Variants in FAM120A observed in about 807,000 individuals in gnomAD.
FAM120A encodes the protein family with sequence similarity 120 member A, also known as constitutive coactivator of PPAR-gamma-like protein 1.
Under a neutral mutation model 109.7 loss-of-function variants are expected in FAM120A, and 15 were observed. The ratio of observed to expected loss-of-function variants is 0.14; its 90% confidence interval spans 0.09 to 0.21. FAM120A has a LOEUF of 0.21. FAM120A is among the 10% of genes least tolerant of loss of function. FAM120A has a pLI of 1.00. For missense variants in FAM120A, 899 were observed against 1,439.3 expected (o/e 0.62, Z 6.07); for synonymous variants, 493 against 572.8 (o/e 0.86, Z 1.99).
Position 93,561,120 on chromosome 9 carries a change from A to G in FAM120A, c.2818A>G (p.Ile940Val). 6.2e-7 allele frequency: 1 copy of G among 1,613,742 alleles called. No individual in the cohort carries two copies. The highest frequency in any genetic ancestry group is 8.5e-7 in the Non-Finnish European group (1 of 1,180,010). ...TSKSQGGVQP[I>V]PSQGGKLEIA... ...TATTTTTTATGCAGGAGTCCAACCTATACCTTCTCAGGGAGGCAAACTAGA... is the reference window on the plus strand; with the variant it reads ...TATTTTTTATGCAGGAGTCCAACCTGTACCTTCTCAGGGAGGCAAACTAGA... The change falls in exon 16 of 18, where the codon ATA becomes GTA. Residue 940 changes from isoleucine (I) to valine (V), a missense_variant. Around this residue, in one of 11 missense-constraint regions of FAM120A, gnomAD observed 129 missense variants for 153.4 expected, o/e 0.84. Transcript: ENST00000277165.
rs1480353282 is a variant in FAM120A at position 93,489,448 on chromosome 9, A to G, written c.805-8023A>G. Among the ~76,000 whole-genome samples, 7 of 152,222 alleles carry G rather than the reference A, an allele frequency of 4.6e-5. No individual in the cohort carries two copies. The East Asian group carries it at 1.3e-3, about 29-fold the overall frequency. ...GGACTGGTGGCACTTTTTTGTAAAG[A>G]GATCCTGTCACTGCACGATGGAGCC... On this transcript the variant is annotated intron_variant, in intron 3 of 17. Coordinates refer to ENST00000277165, the MANE Select transcript of FAM120A (RefSeq NM_014612.5).
chr9:93,547,775 A>G (rs536163014), intron 11 of FAM120A, among the ~76,000 whole-genome samples: 1 of 152,348 alleles, frequency 6.6e-6, no homozygotes, highest in East Asian at 1.9e-4. Context: ...AATTAGCACA[A>G]ATAAATAAGC....
At chr9:93,479,210 T>C (rs974200996) in intron 3 of FAM120A, among the ~76,000 whole-genome samples, 8 of 149,156 alleles carry the variant, frequency 5.4e-5, no homozygotes, top group Admixed American at 2.7e-4. Context: ...GCCATTCTCC[T>C]GCCTCAGCCT....
At chr9:93,549,942 C>T (rs1404282181) in intron 11 of FAM120A, among the ~76,000 whole-genome samples, 2 of 152,216 alleles carry the variant, frequency 1.3e-5, no homozygotes, top group Non-Finnish European at 2.9e-5. Context: ...GAAGGAGACT[C>T]CCAGGCAGAC....
At chr9:93,535,812 C>G (rs1588892526) in intron 10 of FAM120A, among the ~76,000 whole-genome samples, 1 of 152,216 alleles carries the variant, frequency 6.6e-6, no homozygotes, top group Non-Finnish European at 1.5e-5. Flanking sequence ...TGTTAAGTCT[C>G]AATGCTCTCA....
chr9:93,494,992 G>T (rs149711024), intron 3 of FAM120A, among the ~76,000 whole-genome samples: 1 of 152,296 alleles, frequency 6.6e-6, no homozygotes, highest in East Asian at 1.9e-4. Context: ...CACCACAGCA[G>T]TGCATGCCCA....
intron 10 of FAM120A, among the ~76,000 whole-genome samples, chr9:93,541,301 G>A (rs1458405026): frequency 6.6e-6 from 1 of 152,094 alleles, no homozygotes; most frequent in East Asian, 1.9e-4. Flanking sequence ...TCACAGGAGG[G>A]AAGGCAGGTC....
At chr9:93,486,923 T>G (rs930383224) in intron 3 of FAM120A, among the ~76,000 whole-genome samples, 1 of 152,210 alleles carries the variant, frequency 6.6e-6, no homozygotes, top group Non-Finnish European at 1.5e-5. Context: ...AGGTTCTGAT[T>G]TCTCCACATC....
At chr9:93,495,320 A>G (rs889100469) in intron 3 of FAM120A, among the ~76,000 whole-genome samples, 2 of 152,232 alleles carry the variant, frequency 1.3e-5, no homozygotes, top group Non-Finnish European at 2.9e-5. Flanking sequence ...ATATACCACC[A>G]TGATCCTCAA....
chr9:93,525,511 A>G (rs1861038844), intron 7 of FAM120A, among the ~76,000 whole-genome samples: 1 of 152,218 alleles, frequency 6.6e-6, no homozygotes, highest in East Asian at 1.9e-4. Flanking sequence ...GTTTGAGAAC[A>G]CTTATTGTTC....
At position 93,500,840 on chromosome 9, in the gene FAM120A, C is replaced by G. The variant is rs1185893729; in HGVS notation, c.1030+1954C>G. Among the ~76,000 whole-genome samples, 1 of 152,170 alleles carries G rather than the reference C, an allele frequency of 6.6e-6. No individual in the cohort carries two copies. Among genetic ancestry groups the G allele is most frequent in the Non-Finnish European group, 1.5e-5 (1 of 68,034 alleles). ...TTGTGGGAATGATGGGGAGCATGAA[C>G]ATTGCCACCTGTGGCCTACTGCCTC... On this transcript the variant is annotated intron_variant, in intron 5 of 17. Transcript: ENST00000277165. This position sits in a 1 kb window ranked among gnomAD's most constrained non-coding sequence, Gnocchi z 4.6.
Position 93,493,722 on chromosome 9 carries a change from C to A in FAM120A, c.805-3749C>A, listed in dbSNP as rs1341174051. Among the ~76,000 whole-genome samples, 3 of 152,216 alleles carry A rather than the reference C, an allele frequency of 2.0e-5. No homozygotes were observed. The East Asian group carries it at 5.8e-4, about 29-fold the overall frequency. ...CAAGCCCTCACATGGTGACCTGCCT[C>A]CCTCCTGGGGGCCCAGTGTCCTCCT... On this transcript the variant is annotated intron_variant, in intron 3 of 17. Transcript: ENST00000277165.
chr9:93,550,207 C>T (rs1385351020), intron 11 of FAM120A, among the ~76,000 whole-genome samples: 1 of 152,136 alleles, frequency 6.6e-6, no homozygotes, highest in African/African-American at 2.4e-5. Flanking sequence ...CTAGGGTCTG[C>T]CTCCTGGCTA....
intron 5 of FAM120A, among the ~76,000 whole-genome samples, chr9:93,501,702 G>T (rs1277120594): frequency 6.6e-6 from 1 of 152,200 alleles, no homozygotes; most frequent in Admixed American, 6.5e-5. Context: ...AAGATGACGG[G>T]TATGCAGTCT....
chr9:93,472,547 C>T (rs1286649063), intron 2 of FAM120A, among the ~76,000 whole-genome samples: 1 of 152,124 alleles, frequency 6.6e-6, no homozygotes, highest in African/African-American at 2.4e-5. Flanking sequence ...GCTGTGTGGT[C>T]TCTAGTGCTC....
intron 10 of FAM120A, among the ~76,000 whole-genome samples, chr9:93,535,996 TA>T (rs1861499938): frequency 6.6e-6 from 1 of 152,194 alleles, no homozygotes. Flanking sequence ...TTGAAATATC[TA>T]TTAATTGGTA....
intron 1 of FAM120A, among the ~76,000 whole-genome samples, chr9:93,455,052 A>G (rs1019176271): frequency 2.0e-5 from 3 of 152,218 alleles, no homozygotes; most frequent in Non-Finnish European, 2.9e-5. Context: ...TATTTTCCTA[A>G]TGAAGACTTT....
intron 13 of FAM120A, 80 bp downstream of exon 13, chr9:93,556,671 T>C: frequency 7.4e-7 from 1 of 1,358,824 alleles, no homozygotes; most frequent in East Asian, 2.3e-5. Context: ...TTTTATACCA[T>C]ATTTATCATC....
chr9:93,472,410 A>G (rs4743922), intron 2 of FAM120A, among the ~76,000 whole-genome samples: 40,990 of 152,096 alleles, frequency 0.27, 6,599 homozygotes, highest in East Asian at 0.43. Flanking sequence ...GCTCTAGTTT[A>G]CTTAGTTTAT....
Sources: gnomAD v4.1 joint callset for allele counts (sites outside exome capture counted in the v4.1 genomes callset) on GRCh38, gnomAD v4.1.1 for gene constraint, gnomAD v4.1.1 regional missense constraint, Gnocchi (gnomAD v3.1) non-coding constraint, MANE v1.5 for transcripts, NCBI Gene and HGNC (gene_info 2026-07-23, HGNC 2026-07-21) for gene names.